GRIK1: variants seen among roughly 807,000 people sequenced by gnomAD.
GRIK1 encodes glutamate receptor ionotropic, kainate 1.
GRIK1 carries 69 observed loss-of-function variants against 105.7 expected under a neutral mutation model. The observed-to-expected ratio is 0.65, with a 90% CI of 0.54 to 0.80. The LOEUF (loss-of-function observed/expected upper bound fraction) is 0.80. Among genes scored for constraint, GRIK1 ranks in the 30% least tolerant of loss-of-function variants. The pLI, the probability that GRIK1 is intolerant of heterozygous loss-of-function variation, is 0.00. For missense variants in GRIK1, 1,109 were observed against 1,167.3 expected (o/e 0.95, Z 0.73); for synonymous variants, 438 against 431.3 (o/e 1.02, Z -0.19).
At chr21:29,756,250 G>A (rs1056171052) in intron 1 of GRIK1, among the ~76,000 whole-genome samples, 4 of 151,936 alleles carry the variant, frequency 2.6e-5, no homozygotes, top group Non-Finnish European at 4.4e-5. Flanking sequence ...GTGTAGTGGC[G>A]GGCGCCTGCA....
intron 3 of GRIK1, among the ~76,000 whole-genome samples, chr21:29,687,970 A>C (rs1000265648): frequency 1.3e-5 from 2 of 152,230 alleles, no homozygotes; most frequent in Admixed American, 6.5e-5. Context: ...CTATAGCTTG[A>C]TTTTATGAGC....
chr21:29,572,878 C>T (rs1331190007), intron 14 of GRIK1, among the ~76,000 whole-genome samples: 1 of 152,070 alleles, frequency 6.6e-6, no homozygotes, highest in Non-Finnish European at 1.5e-5. Context: ...TCAAGCAATT[C>T]CCCTGCCTCA....
intron 7 of GRIK1, among the ~76,000 whole-genome samples, chr21:29,620,798 T>TATATATATAG (rs1555851194): frequency 1.9e-5 from 2 of 107,592 alleles, no homozygotes; most frequent in African/African-American, 9.9e-5. Flanking sequence ...TATATCTATA[T>TATATATATAG]ATATATAGAT....
At chr21:29,901,014 C>A (rs900537422) in intron 1 of GRIK1, among the ~76,000 whole-genome samples, 1 of 151,984 alleles carries the variant, frequency 6.6e-6, no homozygotes, top group African/African-American at 2.4e-5. Context: ...ACATGGAAAC[C>A]GAACAACCTG....
chr21:29,737,411 G>A (rs547999053), intron 1 of GRIK1, among the ~76,000 whole-genome samples: 8 of 152,314 alleles, frequency 5.3e-5, no homozygotes, highest in African/African-American at 1.7e-4. Context: ...TATTGGAAAG[G>A]AAATACTCAG....
At chr21:29,629,505 T>C (rs943860233) in intron 7 of GRIK1, among the ~76,000 whole-genome samples, 3 of 151,806 alleles carry the variant, frequency 2.0e-5, no homozygotes, top group Admixed American at 6.6e-5. Context: ...TTCTTTTTTT[T>C]TTTGAGACAG....
At chr21:29,888,383 G>T (rs2069758114) in intron 1 of GRIK1, among the ~76,000 whole-genome samples, 1 of 150,110 alleles carries the variant, frequency 6.7e-6, no homozygotes, top group Admixed American at 6.7e-5. Context: ...TCACCCCTAG[G>T]CCTCCTCAGT....
At chr21:29,776,604 G>T (rs1374621296) in intron 1 of GRIK1, among the ~76,000 whole-genome samples, 2 of 152,078 alleles carry the variant, frequency 1.3e-5, no homozygotes, top group African/African-American at 2.4e-5. Flanking sequence ...ACAAGTGGAT[G>T]GTATTTATTA....
At chr21:29,742,557 A>C (rs955015803) in intron 1 of GRIK1, among the ~76,000 whole-genome samples, 2 of 152,384 alleles carry the variant, frequency 1.3e-5, no homozygotes, top group South Asian at 4.1e-4. Context: ...TGCGTGGTTC[A>C]GTAAACATAT....
rs766551510 is a variant in GRIK1 at position 29,651,243 on chromosome 21, T to C, written c.829A>G (p.Met277Val). Reference sequence around the variant, plus strand: ...ATGTTAAGCAGCCGAAACCCGGTCATGTTTACGCCACTGTACCTATAGAGT... The same window carrying C: ...ATGTTAAGCAGCCGAAACCCGGTCACGTTTACGCCACTGTACCTATAGAGT... ...LELYRYSGVN[M>V]TGFRLLNIDN... The change falls in exon 6 of 18, where the codon ATG (methionine) becomes GTG (valine). Residue 277 changes from methionine (M) to valine (V), a missense_variant. Physicochemically the swap from Met to Val is conservative, Grantham distance 21. Around this residue, in one of 5 missense-constraint regions of GRIK1, gnomAD observed 612 missense variants for 586.0 expected, o/e 1.04. Coordinates refer to ENST00000327783, the MANE Select transcript of GRIK1 (RefSeq NM_001330994.2). 1.9e-6 allele frequency: 3 copies of C among 1,613,788 alleles called. No homozygotes were observed. Among genetic ancestry groups the C allele is most frequent in the Non-Finnish European group, 2.5e-6 (3 of 1,179,688 alleles).
chr21:29,887,884 A>C (rs1370913976), intron 1 of GRIK1, among the ~76,000 whole-genome samples: 1 of 152,084 alleles, frequency 6.6e-6, no homozygotes, highest in Non-Finnish European at 1.5e-5. Context: ...TGGGAAAATG[A>C]GTATCCCTCC....
At chr21:29,646,854 T>C (rs1568929275) in intron 6 of GRIK1, among the ~76,000 whole-genome samples, 1 of 152,066 alleles carries the variant, frequency 6.6e-6, no homozygotes, top group African/African-American at 2.4e-5. Flanking sequence ...TCTTTCCTTT[T>C]TTTTTTTTTA....
intron 16 of GRIK1, among the ~76,000 whole-genome samples, chr21:29,543,037 A>G (rs1827198013): frequency 6.6e-6 from 1 of 152,224 alleles, no homozygotes; most frequent in African/African-American, 2.4e-5. Context: ...GAGTATTTTT[A>G]TAAAGACAAT....
intron 6 of GRIK1, among the ~76,000 whole-genome samples, chr21:29,649,200 G>A (rs761072374): frequency 2.0e-5 from 3 of 152,084 alleles, no homozygotes; most frequent in African/African-American, 7.2e-5. Flanking sequence ...TAAATGTTAC[G>A]CTTCACATAA....
At chr21:29,867,005 AT>A (rs1367192746) in intron 1 of GRIK1, among the ~76,000 whole-genome samples, 1 of 152,210 alleles carries the variant, frequency 6.6e-6, no homozygotes, top group African/African-American at 2.4e-5. Flanking sequence ...TGGTCAATAG[AT>A]TTGTATTCTG....
intron 1 of GRIK1, among the ~76,000 whole-genome samples, chr21:29,877,909 G>A (rs2069249410): frequency 2.0e-5 from 3 of 152,084 alleles, no homozygotes; most frequent in Admixed American, 2.0e-4. Context: ...TGGCAAAATA[G>A]CTTGAATACA....
In GRIK1 at chr21:29,744,768, T is replaced by G. The variant is rs577419646; in HGVS notation, c.119-50705A>C. ...CAGCATAGGACATTTTGTGGTGTGTTGTAATTACCTAATGATGCCTAACAT... is the reference window on the plus strand; with the variant it reads ...CAGCATAGGACATTTTGTGGTGTGTGGTAATTACCTAATGATGCCTAACAT... On this transcript the variant is annotated intron_variant, in intron 1 of 17. Coordinates refer to ENST00000327783, the MANE Select transcript of GRIK1 (RefSeq NM_001330994.2). Among the ~76,000 whole-genome samples the G allele has an allele frequency of 3.3e-5, 5 of 152,342 alleles. No individual in the cohort carries two copies. In the East Asian group the frequency reaches 9.6e-4, roughly 29 times the overall value.
intron 1 of GRIK1, among the ~76,000 whole-genome samples, chr21:29,769,539 C>T (rs368911251): frequency 2.0e-5 from 3 of 152,080 alleles, no homozygotes; most frequent in East Asian, 1.9e-4. Context: ...CCCTCCCATG[C>T]GCAGTTCACA....
intron 1 of GRIK1, among the ~76,000 whole-genome samples, chr21:29,775,260 A>C (rs1364301073): frequency 7.4e-6 from 1 of 134,358 alleles, no homozygotes; most frequent in Non-Finnish European, 1.5e-5. Flanking sequence ...TGGGCGACAG[A>C]GTGAGCCTCT....
Sources: gnomAD v4.1 joint callset for allele counts (sites outside exome capture counted in the v4.1 genomes callset) on GRCh38, gnomAD v4.1.1 for gene constraint, gnomAD v4.1.1 regional missense constraint, MANE v1.5 for transcripts, NCBI Gene and HGNC (gene_info 2026-07-23, HGNC 2026-07-21) for gene names.